CNTNAP5: variants seen among roughly 807,000 people sequenced by gnomAD.
The protein encoded by CNTNAP5 is contactin-associated protein-like 5.
Under a neutral mutation model 150.2 loss-of-function variants are expected in CNTNAP5, and 72 were observed. The observed-to-expected ratio is 0.48, with a 90% CI of 0.40 to 0.58. The LOEUF (loss-of-function observed/expected upper bound fraction) is 0.58, where lower values mean the gene tolerates loss of function less well. CNTNAP5 is among the 20% of genes least tolerant of loss of function. CNTNAP5 has a pLI of 0.00. For synonymous variants in CNTNAP5, 672 were observed against 619.8 expected (o/e 1.08, Z -1.25); for missense variants, 1,636 against 1,626.2 (o/e 1.01, Z -0.10).
chr2:124,617,086 G>T (rs959384454), intron 12 of CNTNAP5, among the ~76,000 whole-genome samples: 1 of 151,618 alleles, frequency 6.6e-6, no homozygotes. Context: ...ATATAATAAC[G>T]ATAATTATAA....
intron 11 of CNTNAP5, among the ~76,000 whole-genome samples, chr2:124,592,538 T>C (rs1343822061): frequency 1.3e-5 from 2 of 151,222 alleles, no homozygotes; most frequent in East Asian, 3.9e-4. Context: ...ACCTTGCTTA[T>C]AGGAAAAAAA....
In CNTNAP5 at chr2:124,497,309, T is replaced by C. The variant is rs183404605; in HGVS notation, c.1063-6983T>C. Among the ~76,000 whole-genome samples the C allele has an allele frequency of 3.3e-5, 5 of 152,282 alleles. No homozygotes were observed. In the East Asian group the frequency reaches 9.7e-4, roughly 29 times the overall value. ...TAACTGACCAATGTTTGACTAGAGG[T>C]ATAATGCCCACTAATAGAAACACCT... is the stretch of plus-strand genomic sequence containing the variant. On this transcript the variant is annotated intron_variant, in intron 7 of 23. Coordinates refer to ENST00000682447, the MANE Select transcript of CNTNAP5 (RefSeq NM_001367498.1).
rs536045204 is a variant in CNTNAP5, at chr2:124,255,321, G to A, written c.381+12928G>A. Among the ~76,000 whole-genome samples, 57 of 152,004 alleles carry A rather than the reference G, an allele frequency of 3.7e-4. 1 individual carries two copies. In the South Asian group the frequency reaches 6.9e-3, roughly 18 times the overall value. On this transcript the variant is annotated intron_variant, in intron 3 of 23. Coordinates refer to ENST00000682447, the MANE Select transcript of CNTNAP5 (RefSeq NM_001367498.1). ...AGGTGGATCACAAGGTCAGGAAATC[G>A]AGACAATCCTGGCCAACATGGTGAA...
chr2:124,064,243 C>T (rs1682095389), intron 1 of CNTNAP5, among the ~76,000 whole-genome samples: 1 of 152,116 alleles, frequency 6.6e-6, no homozygotes, highest in Non-Finnish European at 1.5e-5. Context: ...ATAACTGATA[C>T]TGGAAATTGG....
At chr2:124,852,540 C>G (rs1683178986) in intron 19 of CNTNAP5, among the ~76,000 whole-genome samples, 1 of 152,164 alleles carries the variant, frequency 6.6e-6, no homozygotes, top group African/African-American at 2.4e-5. Flanking sequence ...TTCTTGCAGA[C>G]CATGTCAAAG....
In CNTNAP5 at chr2:124,526,897, G is replaced by A. The variant is rs1178022938; in HGVS notation, c.1478-388G>A. Among the ~76,000 whole-genome samples, 8 of 152,194 alleles carry A rather than the reference G, an allele frequency of 5.3e-5. No homozygotes were observed. The South Asian group carries it at 6.2e-4, about 12-fold the overall frequency. ...TGAAAGTGTAATTCAGAATTGAATC[G>A]TGCATTTAGATATGTGTTTCAAGAC... On this transcript the variant is annotated intron_variant, in intron 9 of 23. Transcript: ENST00000682447.
chr2:124,116,288 G>A (rs1683427568), intron 1 of CNTNAP5, among the ~76,000 whole-genome samples: 1 of 152,172 alleles, frequency 6.6e-6, no homozygotes, highest in South Asian at 2.1e-4. Flanking sequence ...TAGGAGGGAT[G>A]TATACAAGGG....
chr2:124,459,759 A>T (rs1011697070), intron 6 of CNTNAP5, among the ~76,000 whole-genome samples: 3 of 10,080 alleles, frequency 3.0e-4, no homozygotes, highest in African/African-American at 4.4e-4. Flanking sequence ...ATTCCTCTGT[A>T]AAAAAAAAAA....
intron 7 of CNTNAP5, among the ~76,000 whole-genome samples, chr2:124,480,998 T>A (rs570038341): frequency 6.6e-6 from 1 of 152,326 alleles, no homozygotes; most frequent in East Asian, 1.9e-4. Context: ...TCTTAGTCCA[T>A]CAAGGCAGCT....
intron 13 of CNTNAP5, among the ~76,000 whole-genome samples, chr2:124,669,243 AC>A (rs1280838029): frequency 6.6e-6 from 1 of 152,218 alleles, no homozygotes; most frequent in Non-Finnish European, 1.5e-5. Context: ...TTTTGAGCAA[AC>A]AAGTTATTCA....
chr2:124,607,934 C>T (rs1253623407), intron 11 of CNTNAP5, among the ~76,000 whole-genome samples: 2 of 152,232 alleles, frequency 1.3e-5, no homozygotes, highest in Non-Finnish European at 2.9e-5. Context: ...GATTGTGGCA[C>T]TCCCACATAC....
intron 3 of CNTNAP5, among the ~76,000 whole-genome samples, chr2:124,254,571 C>A (rs1005464141): frequency 6.6e-6 from 1 of 152,120 alleles, no homozygotes; most frequent in Non-Finnish European, 1.5e-5. Context: ...GGTAAACCAC[C>A]AGGAGAGCCA....
At chr2:124,119,753 A>T (rs1683516616) in intron 1 of CNTNAP5, among the ~76,000 whole-genome samples, 1 of 152,178 alleles carries the variant, frequency 6.6e-6, no homozygotes. Flanking sequence ...TAAAGACAAG[A>T]TATAAGATAG....
chr2:124,694,300 A>AT (rs747324872), intron 13 of CNTNAP5, among the ~76,000 whole-genome samples: 47 of 152,244 alleles, frequency 3.1e-4, no homozygotes, highest in Non-Finnish European at 5.7e-4. Context: ...TGAATAAGTA[A>AT]TTTGCTGACT....
chr2:124,553,757 C>T (rs1695686339), intron 10 of CNTNAP5, among the ~76,000 whole-genome samples: 1 of 152,088 alleles, frequency 6.6e-6, no homozygotes, highest in African/African-American at 2.4e-5. Context: ...CACCAAAAGG[C>T]AACCATTGTG....
intron 13 of CNTNAP5, among the ~76,000 whole-genome samples, chr2:124,715,127 G>A (rs576454274): frequency 2.1e-4 from 32 of 152,196 alleles, no homozygotes; most frequent in African/African-American, 7.5e-4. Context: ...AGTTACACAA[G>A]GCAGCTGAAC....
At chr2:124,157,009 A>G (rs536513352) in intron 1 of CNTNAP5, among the ~76,000 whole-genome samples, 7 of 152,344 alleles carry the variant, frequency 4.6e-5, no homozygotes, top group African/African-American at 1.7e-4. Context: ...AGCCTGATAC[A>G]TAGTTTGTTG....
intron 12 of CNTNAP5, among the ~76,000 whole-genome samples, chr2:124,642,342 T>A (rs1678111311): frequency 6.6e-6 from 1 of 152,158 alleles, no homozygotes; most frequent in African/African-American, 2.4e-5. Flanking sequence ...TGAGACTTCT[T>A]TTCAGTTTGG....
chr2:124,584,999 A>G (rs1696495484), intron 11 of CNTNAP5, among the ~76,000 whole-genome samples: 1 of 152,244 alleles, frequency 6.6e-6, no homozygotes, highest in Non-Finnish European at 1.5e-5. Flanking sequence ...ATTCATAAAT[A>G]GGAATACTTG....
Sources: gnomAD v4.1 joint callset for allele counts (sites outside exome capture counted in the v4.1 genomes callset) on GRCh38, gnomAD v4.1.1 for gene constraint, MANE v1.5 for transcripts, NCBI Gene and HGNC (gene_info 2026-07-23, HGNC 2026-07-21) for gene names.